Variants in SPATA16 observed in about 807,000 individuals in gnomAD.
The protein encoded by SPATA16 is spermatogenesis associated 16, also known as spermatogenesis-associated protein 16.
Under a neutral mutation model 63.3 loss-of-function variants are expected in SPATA16, and 36 were observed. That is an observed-to-expected ratio of 0.57 (90% CI 0.44 to 0.75). The LOEUF is 0.75. Ranked by LOEUF, SPATA16 falls within the 30% of genes least tolerant of loss-of-function variation. The probability of loss-of-function intolerance (pLI) is 0.00; values close to 1 mark genes in which losing one functional copy is unlikely to be tolerated. For missense variants in SPATA16, 646 were observed against 679.3 expected, an observed-to-expected ratio of 0.95 and a Z score of 0.54; for synonymous variants, 203 against 216.7, an observed-to-expected ratio of 0.94 and a Z score of 0.56.
rs577442386 is a variant in SPATA16, at chr3:172,953,724, A to G, written c.1081+2953T>C. On this transcript the variant is annotated intron_variant, in intron 6 of 10. Transcript: ENST00000351008. ...AGATTGAGAAGAGGATGTCTCCCTT[A>G]TGTGTTCACTGACCCTTTTGGACAC... Among the ~76,000 whole-genome samples, 15 of 152,308 alleles carry G rather than the reference A, an allele frequency of 9.8e-5. No homozygotes were observed. In the Middle Eastern group the frequency reaches 0.01, roughly 104 times the overall value.
At chr3:172,929,462 G>T (rs1368918975) in intron 6 of SPATA16, among the ~76,000 whole-genome samples, 1 of 152,074 alleles carries the variant, frequency 6.6e-6, no homozygotes, top group African/African-American at 2.4e-5. Flanking sequence ...GGCTGAAACT[G>T]ACCACCTTGC....
chr3:173,023,517 A>G (rs1372766396), intron 3 of SPATA16, among the ~76,000 whole-genome samples: 2 of 151,910 alleles, frequency 1.3e-5, no homozygotes, highest in East Asian at 1.9e-4. Context: ...GTTGAACTTT[A>G]TCATTTTTGT....
At chr3:172,920,778 T>A (rs1200833278) in intron 8 of SPATA16, among the ~76,000 whole-genome samples, 1 of 152,206 alleles carries the variant, frequency 6.6e-6, no homozygotes, top group Admixed American at 6.5e-5. Flanking sequence ...GTTTAAGTAT[T>A]GTTTAGAAAT....
chr3:173,105,367 G>A (rs1483921043), intron 2 of SPATA16, among the ~76,000 whole-genome samples: 1 of 152,124 alleles, frequency 6.6e-6, no homozygotes, highest in Non-Finnish European at 1.5e-5. Context: ...TCTCGCCAAA[G>A]ACCCTTGACA....
At chr3:172,947,437 G>A (rs977907538) in intron 6 of SPATA16, among the ~76,000 whole-genome samples, 1 of 152,138 alleles carries the variant, frequency 6.6e-6, no homozygotes, top group Admixed American at 6.5e-5. Flanking sequence ...TATGCTCTGA[G>A]TACATGTGGG....
chr3:172,923,527 C>G (rs1452593187), intron 8 of SPATA16, among the ~76,000 whole-genome samples: 4 of 152,036 alleles, frequency 2.6e-5, no homozygotes, highest in Admixed American at 6.6e-5. Context: ...AACTTACAAG[C>G]CTTTTGAAAA....
chr3:173,028,027 C>CTTCCTTCCTTCG (rs1735503729), intron 3 of SPATA16, among the ~76,000 whole-genome samples: 1 of 44,482 alleles, frequency 2.2e-5, no homozygotes, highest in Non-Finnish European at 4.1e-5. Context: ...TCCTTCTTTC[C>CTTCCTTCCTTCG]TTCCTTCCTT....
intron 6 of SPATA16, among the ~76,000 whole-genome samples, chr3:172,935,353 C>G (rs1008875560): frequency 6.6e-6 from 1 of 151,824 alleles, no homozygotes; most frequent in Non-Finnish European, 1.5e-5. Flanking sequence ...ACACAAACAA[C>G]AAACCATGTA....
At chr3:172,917,753 A>G (rs1434436161) in intron 8 of SPATA16, among the ~76,000 whole-genome samples, 1 of 152,234 alleles carries the variant, frequency 6.6e-6, no homozygotes, top group East Asian at 1.9e-4. Flanking sequence ...GAAGGCAGAC[A>G]TATAATTTCA....
At chr3:172,950,540 C>T (rs552229225) in intron 6 of SPATA16, among the ~76,000 whole-genome samples, 1 of 152,114 alleles carries the variant, frequency 6.6e-6, no homozygotes, top group Admixed American at 6.5e-5. Context: ...AAACTAGTTA[C>T]AAAGAGGAAA....
chr3:173,011,153 C>T (rs1735066077), intron 4 of SPATA16, among the ~76,000 whole-genome samples: 1 of 151,922 alleles, frequency 6.6e-6, no homozygotes, highest in East Asian at 1.9e-4. Flanking sequence ...ACTACAGGCA[C>T]AAAATCAACA....
chr3:172,919,147 G>A (rs760545842), intron 8 of SPATA16, among the ~76,000 whole-genome samples: 4 of 152,258 alleles, frequency 2.6e-5, no homozygotes, highest in South Asian at 2.1e-4. Context: ...CTGTGAAGGC[G>A]GCTTCATGCA....
At chr3:173,135,130 G>A (rs533413487) in intron 1 of SPATA16, among the ~76,000 whole-genome samples, 1 of 152,318 alleles carries the variant, frequency 6.6e-6, no homozygotes, top group South Asian at 2.1e-4. Flanking sequence ...AGAAGACCCA[G>A]TAGAGAAGTG....
intron 2 of SPATA16, among the ~76,000 whole-genome samples, chr3:173,078,092 C>CT (rs1466026536): frequency 6.6e-6 from 1 of 152,066 alleles, no homozygotes; most frequent in Non-Finnish European, 1.5e-5. Flanking sequence ...AAGCCCTTTA[C>CT]TTGTATTACA....
chr3:173,017,859 C>T (rs1436366300), intron 4 of SPATA16, among the ~76,000 whole-genome samples: 1 of 152,176 alleles, frequency 6.6e-6, no homozygotes, highest in Admixed American at 6.5e-5. Flanking sequence ...AGCTAGTGAC[C>T]TTTATTAAAA....
intron 1 of SPATA16, among the ~76,000 whole-genome samples, chr3:173,123,248 C>T (rs544188614): frequency 8.5e-5 from 13 of 152,324 alleles, no homozygotes; most frequent in African/African-American, 3.1e-4. Context: ...TTGTTTCTGA[C>T]AACAACTCTT....
intron 2 of SPATA16, among the ~76,000 whole-genome samples, chr3:173,066,239 G>C (rs1380506636): frequency 6.6e-6 from 1 of 152,216 alleles, no homozygotes; most frequent in African/African-American, 2.4e-5. Context: ...CTGGCTTCCT[G>C]GCACGGATCC....
chr3:173,019,429 G>A, intron 4 of SPATA16, 57 bp downstream of exon 4: 3 of 1,428,378 alleles, frequency 2.1e-6, no homozygotes, highest in Non-Finnish European at 3.0e-6. Flanking sequence ...ACCAGAATTT[G>A]AGAATAAAAT....
At chr3:172,926,711 C>A (rs1732746110) in intron 6 of SPATA16, among the ~76,000 whole-genome samples, 1 of 152,126 alleles carries the variant, frequency 6.6e-6, no homozygotes, top group African/African-American at 2.4e-5. Context: ...ACAAACATAC[C>A]CAAGATCACG....
Sources: allele counts gnomAD v4.1 joint callset (sites outside exome capture counted in the v4.1 genomes callset), GRCh38; gene constraint gnomAD v4.1.1; transcripts MANE v1.5; gene names NCBI Gene and HGNC (gene_info 2026-07-23, HGNC 2026-07-21).